Variants in DCTN5 observed in about 807,000 individuals in gnomAD.
DCTN5 encodes dynactin subunit 5, also known as dynactin 4.
A neutral mutation model predicts 23.5 loss-of-function variants in DCTN5; 14 were observed. That is an observed-to-expected ratio of 0.60 (90% CI 0.39 to 0.93). The LOEUF (loss-of-function observed/expected upper bound fraction) is 0.93, where lower values mean the gene tolerates loss of function less well. DCTN5 is among the 40% of genes least tolerant of loss of function. The pLI is 0.00. For synonymous variants in DCTN5, 67 were observed against 79.6 expected (o/e 0.84, Z 0.84); for missense variants, 156 against 225.9 (o/e 0.69, Z 1.98).
In DCTN5 at chr16:23,668,080, A is replaced by C. The variant is rs916878850; in HGVS notation, c.*936A>C. 1.3e-5 allele frequency: 2 copies of C among 152,256 alleles called. No individual in the cohort carries two copies. Among genetic ancestry groups the C allele is most frequent in the Non-Finnish European group, 2.9e-5 (2 of 68,044 alleles). 9.4% of individuals were successfully genotyped at this position (152,256 alleles called of 1,614,324 possible). A position where few individuals can be genotyped will look rare whatever the true frequency, so the allele number is the denominator to read the frequency against. On this transcript the variant is annotated 3_prime_UTR_variant, in exon 6 of 6. Coordinates refer to ENST00000300087, the MANE Select transcript of DCTN5 (RefSeq NM_032486.4). ...TCTTAGAATCAGTTTGTGGGCACAGAGCCTCAGGAGTAAATGAAGTTACTA... is the reference window on the plus strand; with the variant it reads ...TCTTAGAATCAGTTTGTGGGCACAGCGCCTCAGGAGTAAATGAAGTTACTA...
intron 2 of DCTN5, among the ~76,000 whole-genome samples, chr16:23,644,991 G>T (rs922631865): frequency 3.7e-4 from 54 of 145,470 alleles, no homozygotes; most frequent in African/African-American, 1.2e-3. Flanking sequence ...CGTTGGCCAG[G>T]CTGGTCTCAA....
At chr16:23,644,710 A>G (rs550939821) in intron 2 of DCTN5, among the ~76,000 whole-genome samples, 1 of 152,020 alleles carries the variant, frequency 6.6e-6, no homozygotes, top group Non-Finnish European at 1.5e-5. Flanking sequence ...TGCTGGGATT[A>G]CAGGCATGAG....
intron 2 of DCTN5, among the ~76,000 whole-genome samples, chr16:23,652,613 A>G (rs1967626115): frequency 6.6e-6 from 1 of 152,234 alleles, no homozygotes; most frequent in African/African-American, 2.4e-5. Flanking sequence ...GATATAGAAT[A>G]CATTTCTATT....
In DCTN5 at chr16:23,674,584, C is replaced by A. The variant is rs1968061810; in HGVS notation, c.*7440C>A. 1 of 152,190 alleles carries A rather than the reference C, an allele frequency of 6.6e-6. No homozygotes were observed. The highest frequency in any genetic ancestry group is 6.5e-5 in the Admixed American group (1 of 15,272). 9.4% of individuals were successfully genotyped at this position (152,190 alleles called of 1,614,324 possible). On this transcript the variant is annotated 3_prime_UTR_variant, in exon 6 of 6. Coordinates refer to ENST00000300087, the MANE Select transcript of DCTN5 (RefSeq NM_032486.4). ...CTTCCCTCACTTTTCTCCCAGCACA[C>A]ACAGCTTAGTAAGGTAGGTGGATTA...
intron 2 of DCTN5, among the ~76,000 whole-genome samples, chr16:23,645,137 A>ATTTTTTTTTTTTTTTTT (rs869033729): frequency 3.2e-5 from 1 of 30,806 alleles, no homozygotes; most frequent in African/African-American, 1.3e-4. Flanking sequence ...ATATATATAT[A>ATTTTTTTTTTTTTTTTT]TTTTTTTTTT....
At position 23,675,748 on chromosome 16, in the gene DCTN5, GTGAGTGCTT is replaced by G. The variant is rs1968076096; in HGVS notation, c.*8610_*8618del. 1 of 152,224 alleles carries G rather than the reference GTGAGTGCTT, an allele frequency of 6.6e-6. No homozygotes were observed. Among genetic ancestry groups the G allele is most frequent in the Non-Finnish European group, 1.5e-5 (1 of 68,048 alleles). 9.4% of individuals were successfully genotyped at this position (152,224 alleles called of 1,614,324 possible). A position where few individuals can be genotyped will look rare whatever the true frequency, so the allele number is the denominator to read the frequency against. ...TCCCAGTGCTGCCTTTCCATGTGCT[GTGAGTGCTT>G]TGAGTTCAGACTGACAACAGAGTGG... On this transcript the variant is annotated 3_prime_UTR_variant, in exon 6 of 6. Transcript: ENST00000300087.
Position 23,660,665 on chromosome 16 carries a change from T to A in DCTN5, c.237-505T>A, listed in dbSNP as rs181438795. The stretch of plus-strand genomic sequence containing the variant: ...TTGATTGCAAGCTGCTCGTGGACAG[T>A]GTTCTCTCTCTTTTGTCATTATTAT... On this transcript the variant is annotated intron_variant, in intron 3 of 5. Coordinates refer to ENST00000300087, the MANE Select transcript of DCTN5 (RefSeq NM_032486.4). Among the ~76,000 whole-genome samples the A allele has an allele frequency of 2.2e-3, 335 of 152,360 alleles. 1 individual carries two copies. Among genetic ancestry groups the A allele is most frequent in the Admixed American group, 5.5e-3 (84 of 15,308 alleles).
At chr16:23,649,490 C>T (rs1967550849) in intron 2 of DCTN5, among the ~76,000 whole-genome samples, 1 of 152,090 alleles carries the variant, frequency 6.6e-6, no homozygotes, top group Admixed American at 6.6e-5. Context: ...TTAAGCATTT[C>T]CCCTATGTTT....
chr16:23,652,768 T>C (rs1967628739), intron 2 of DCTN5, among the ~76,000 whole-genome samples: 1 of 152,204 alleles, frequency 6.6e-6, no homozygotes, highest in African/African-American at 2.4e-5. Context: ...TTTTTAAAAA[T>C]AATTTTTCAT....
Position 23,667,395 on chromosome 16 carries a change from C to A in DCTN5, c.*251C>A. ...TTATCTATGAACAGTCACTTTGTAC[C>A]ATTATCTGTGGAACACAGAATCATC... On this transcript the variant is annotated 3_prime_UTR_variant, in exon 6 of 6. Coordinates refer to ENST00000300087, the MANE Select transcript of DCTN5 (RefSeq NM_032486.4). The A allele has an allele frequency of 2.0e-6, 1 of 503,440 alleles. No individual in the cohort carries two copies. Among genetic ancestry groups the A allele is most frequent in the Non-Finnish European group, 3.6e-6 (1 of 278,158 alleles). The allele number at this position is 503,440 out of a possible 1,614,324, so 31.2% of individuals were successfully genotyped here.
At chr16:23,666,937 G>A (rs936664326) in intron 5 of DCTN5, 110 bp from the exon 6 acceptor site, 37 of 1,516,598 alleles carry the variant, frequency 2.4e-5, no homozygotes, top group Admixed American at 4.0e-5. Context: ...GATTATTTAA[G>A]TGATTGTCAG....
intron 5 of DCTN5, chr16:23,666,060 CTT>C: frequency 7.9e-6 from 2 of 251,704 alleles, no homozygotes; most frequent in Admixed American, 5.1e-5. Context: ...GAAATAAAGC[CTT>C]GGATCCACAC....
intron 2 of DCTN5, among the ~76,000 whole-genome samples, chr16:23,651,747 G>A (rs1967609761): frequency 6.6e-6 from 1 of 152,310 alleles, no homozygotes; most frequent in Admixed American, 6.5e-5. Context: ...CAAAGTGGCT[G>A]GGCACGGTGG....
At chr16:23,653,289 T>C (rs1967638707) in intron 2 of DCTN5, among the ~76,000 whole-genome samples, 1 of 152,228 alleles carries the variant, frequency 6.6e-6, no homozygotes. Context: ...GGTATCACGC[T>C]ACCTGACTTC....
intron 1 of DCTN5, 119 bp from the exon 2 acceptor site, chr16:23,642,836 T>G: frequency 1.2e-6 from 1 of 819,536 alleles, no homozygotes; most frequent in Non-Finnish European, 2.1e-6. Context: ...ACTCACTCCA[T>G]TGTGGACAGC....
In DCTN5 at chr16:23,654,472, G is replaced by T. The variant is rs142116441; in HGVS notation, c.118-4035G>T. 6.2e-3 allele frequency among the ~76,000 whole-genome samples: 948 copies of T among 152,232 alleles called. 10 individuals carry two copies. Among genetic ancestry groups the T allele is most frequent in the African/African-American group, 0.021 (890 of 41,528 alleles). ...CCTATGGGAGCGGGGAGTTGGGAGG[G>T]TGCAGGAGGGAAAGGATCGGGAAAA... On this transcript the variant is annotated intron_variant, in intron 2 of 5. Coordinates refer to ENST00000300087, the MANE Select transcript of DCTN5 (RefSeq NM_032486.4).
At chr16:23,656,804 A>G (rs1456578053) in intron 2 of DCTN5, among the ~76,000 whole-genome samples, 1 of 152,018 alleles carries the variant, frequency 6.6e-6, no homozygotes, top group Non-Finnish European at 1.5e-5. Flanking sequence ...CAGCCTAGCC[A>G]ACATGGTGAA....
intron 1 of DCTN5, among the ~76,000 whole-genome samples, chr16:23,641,978 C>A (rs1006368554): frequency 2.0e-5 from 3 of 152,072 alleles, no homozygotes; most frequent in Non-Finnish European, 4.4e-5. Context: ...GTCGCCCAGT[C>A]CTGAGGGCCG....
chr16:23,649,659 A>G (rs554892659), intron 2 of DCTN5, among the ~76,000 whole-genome samples: 22 of 152,208 alleles, frequency 1.4e-4, no homozygotes, highest in South Asian at 8.3e-4. Context: ...CCTGGCCAAC[A>G]TGGTGAAACC....
Sources: gnomAD v4.1 joint callset for allele counts (sites outside exome capture counted in the v4.1 genomes callset) on GRCh38, gnomAD v4.1.1 for gene constraint, MANE v1.5 for transcripts, NCBI Gene and HGNC (gene_info 2026-07-23, HGNC 2026-07-21) for gene names.